Variants in GLRA2 observed in about 807,000 individuals in gnomAD.
The protein encoded by GLRA2 is glycine receptor alpha 2, also known as glycine receptor subunit alpha-2.
GLRA2 carries 11 observed loss-of-function variants against 31.6 expected under a neutral mutation model. That is an observed-to-expected ratio of 0.35 (90% CI 0.22 to 0.58). GLRA2 has a LOEUF of 0.58. Among genes scored for constraint, GLRA2 ranks in the 20% least tolerant of loss-of-function variants. The probability of loss-of-function intolerance (pLI) is 0.84; values close to 1 mark genes in which losing one functional copy is unlikely to be tolerated. For missense variants in GLRA2, 212 were observed against 351.8 expected (o/e 0.60, Z 3.18); for synonymous variants, 132 against 134.0 (o/e 0.99, Z 0.10).
chrX:14,677,265 A>C (rs2091154570), intron 7 of GLRA2, among the ~76,000 whole-genome samples: 1 of 110,889 alleles, frequency 9.0e-6, no homozygotes, highest in Admixed American at 9.7e-5. Flanking sequence ...ATTTGAATTT[A>C]TATAGCACTT....
intron 7 of GLRA2, among the ~76,000 whole-genome samples, chrX:14,617,875 T>A (rs2090471268): frequency 8.9e-6 from 1 of 111,884 alleles, no homozygotes; most frequent in East Asian, 2.8e-4. Context: ...CTAAGAAGGA[T>A]CCTTGATCTA....
At chrX:14,727,207 G>A in intron 8 of GLRA2, among the ~76,000 whole-genome samples, 1 of 111,410 alleles carries the variant, frequency 9.0e-6, no homozygotes, top group Non-Finnish European at 1.9e-5. Flanking sequence ...GACTGGTCTA[G>A]AAAGGGCTGG....
chrX:14,510,910 GT>G, the GLRA2 span, among the ~76,000 whole-genome samples: 425 of 108,733 alleles, frequency 3.9e-3, 6 homozygotes, highest in Non-Finnish European at 5.7e-3. Flanking sequence ...TAACACTTTG[GT>G]TTTTTTTTAT....
intron 4 of GLRA2, among the ~76,000 whole-genome samples, chrX:14,590,511 A>G (rs751944105): frequency 8.9e-6 from 1 of 112,141 alleles, no homozygotes; most frequent in Admixed American, 9.5e-5. Flanking sequence ...ATAGGGAATA[A>G]GGACATTCTC....
At chrX:14,701,233 A>G (rs1246356984) in intron 8 of GLRA2, among the ~76,000 whole-genome samples, 3 of 111,099 alleles carry the variant, frequency 2.7e-5, no homozygotes, top group Non-Finnish European at 5.7e-5. Context: ...CTTAGGGTCC[A>G]TCGGACGTAG....
chrX:14,630,803 CTTT>C (rs34851916), intron 7 of GLRA2, among the ~76,000 whole-genome samples: 37 of 89,960 alleles, frequency 4.1e-4, no homozygotes, highest in South Asian at 5.4e-4. Flanking sequence ...TTGGTCTCTG[CTTT>C]TTTTTTTTTT....
intron 2 of GLRA2, among the ~76,000 whole-genome samples, chrX:14,553,210 TGTG>T (rs922705911): frequency 2.7e-5 from 3 of 111,844 alleles, no homozygotes; most frequent in African/African-American, 9.8e-5. Context: ...CAATACAAAA[TGTG>T]GTGGCCTTCA....
At chrX:14,634,933 A>G (rs2090693230) in intron 7 of GLRA2, among the ~76,000 whole-genome samples, 2 of 112,225 alleles carry the variant, frequency 1.8e-5, no homozygotes, top group African/African-American at 6.5e-5. Flanking sequence ...CGAGGAGAGA[A>G]TCCAGATGGA....
chrX:14,685,858 C>T (rs1353977564), intron 7 of GLRA2, among the ~76,000 whole-genome samples: 2 of 111,494 alleles, frequency 1.8e-5, no homozygotes, highest in Non-Finnish European at 3.8e-5. Context: ...CTGCTAGCTT[C>T]TGAATGTGTT....
chrX:14,604,414 G>A lies in GLRA2; in HGVS notation c.577+17G>A, dbSNP rs1363169752. 1.3e-5 allele frequency: 13 copies of A among 973,448 alleles called. No individual in the cohort carries two copies. Among genetic ancestry groups the A allele is most frequent in the Middle Eastern group, 2.6e-4 (1 of 3,849 alleles). The allele number at this position is 973,448 out of a possible 1,213,427, so 80.2% of individuals were successfully genotyped here. A position where few individuals can be genotyped will look rare whatever the true frequency, so the allele number is the denominator to read the frequency against. On this transcript the variant is annotated intron_variant, in intron 5 of 8. Transcript: ENST00000218075. The stretch of plus-strand genomic sequence containing the variant: ...TGGAGAGTTGTAAGTCACCACTGTT[G>A]AAATGACTCCCTGCTTGTTTTAACC...
At chrX:14,625,442 T>C (rs1198875740) in intron 7 of GLRA2, among the ~76,000 whole-genome samples, 1 of 111,850 alleles carries the variant, frequency 8.9e-6, no homozygotes, top group Non-Finnish European at 1.9e-5. Context: ...CTTCCTAGCA[T>C]CGATGGTCTT....
At chrX:14,504,551 G>A in the GLRA2 span, among the ~76,000 whole-genome samples, 1 of 111,744 alleles carries the variant, frequency 8.9e-6, no homozygotes, top group Non-Finnish European at 1.9e-5. Flanking sequence ...TCTCCCCACA[G>A]GCCAAATGAT....
chrX:14,462,722 G>A, the GLRA2 span, among the ~76,000 whole-genome samples: 11 of 111,141 alleles, frequency 9.9e-5, no homozygotes, highest in Non-Finnish European at 1.5e-4. Context: ...TCTTCTCTAC[G>A]CTGTTCTAGT....
At chrX:14,557,184 C>G (rs1375576148) in intron 2 of GLRA2, among the ~76,000 whole-genome samples, 1 of 86,642 alleles carries the variant, frequency 1.2e-5, no homozygotes, top group Non-Finnish European at 2.1e-5. Flanking sequence ...GGCGCGATCT[C>G]GGCTCACTGT....
the GLRA2 span, among the ~76,000 whole-genome samples, chrX:14,507,689 CTTTT>C: frequency 1.7e-4 from 8 of 46,637 alleles, no homozygotes; most frequent in African/African-American, 2.7e-4. Context: ...GAAAGACATT[CTTTT>C]TTTTTTTTTT....
intron 7 of GLRA2, among the ~76,000 whole-genome samples, chrX:14,614,267 T>G (rs1426014165): frequency 9.0e-6 from 1 of 111,605 alleles, no homozygotes; most frequent in Non-Finnish European, 1.9e-5. Flanking sequence ...GTGCCTTCTC[T>G]AATGGCAAGC....
At chrX:14,532,122 T>C (rs1206344555) in intron 1 of GLRA2, 117 bp from the exon 2 acceptor site, 7 of 470,180 alleles carry the variant, frequency 1.5e-5, no homozygotes, top group Non-Finnish European at 2.0e-5. Context: ...TTTCTAGTTT[T>C]CTTCATACTA....
At chrX:14,643,018 G>A (rs1443696958) in intron 7 of GLRA2, among the ~76,000 whole-genome samples, 4 of 111,633 alleles carry the variant, frequency 3.6e-5, no homozygotes, top group African/African-American at 1.3e-4. Flanking sequence ...GAGATTTGAA[G>A]CATAAGAGAG....
the GLRA2 span, among the ~76,000 whole-genome samples, chrX:14,523,568 G>T: frequency 1.8e-5 from 2 of 111,588 alleles, no homozygotes; most frequent in Non-Finnish European, 3.8e-5. Context: ...ATCATTTCTA[G>T]CTTGATTTCA....
Sources: gnomAD v4.1 joint callset for allele counts (sites outside exome capture counted in the v4.1 genomes callset) on GRCh38, gnomAD v4.1.1 for gene constraint, MANE v1.5 for transcripts, NCBI Gene and HGNC (gene_info 2026-07-23, HGNC 2026-07-21) for gene names.